TAF4: variants seen among roughly 807,000 people sequenced by gnomAD.
TAF4 encodes the protein transcription initiation factor TFIID subunit 4.
TAF4 carries 9 observed loss-of-function variants against 90.3 expected under a neutral mutation model. The ratio of observed to expected loss-of-function variants is 0.10; its 90% CI spans 0.06 to 0.17. The LOEUF is 0.17. Ranked by LOEUF, TAF4 falls within the 10% of genes least tolerant of loss-of-function variation. The pLI is 1.00. For missense variants in TAF4, 1,351 were observed against 1,370.7 expected, an observed-to-expected ratio of 0.99 and a Z score of 0.23; for synonymous variants, 818 against 638.9, an observed-to-expected ratio of 1.28 and a Z score of -4.23.
chr20:62,047,900 C>T (rs2056002702), intron 1 of TAF4, among the ~76,000 whole-genome samples: 1 of 152,216 alleles, frequency 6.6e-6, no homozygotes, highest in Admixed American at 6.5e-5. Flanking sequence ...CCCGGGATTC[C>T]TCGCCGAGAT....
intron 1 of TAF4, among the ~76,000 whole-genome samples, chr20:62,054,351 T>C (rs1363193100): frequency 2.0e-5 from 3 of 152,066 alleles, no homozygotes; most frequent in Non-Finnish European, 4.4e-5. Flanking sequence ...ACTTTCTGGC[T>C]CTAGAGATCT....
At chr20:62,024,594 C>T (rs1463153998) in intron 1 of TAF4, among the ~76,000 whole-genome samples, 4 of 152,110 alleles carry the variant, frequency 2.6e-5, no homozygotes, top group African/African-American at 4.8e-5. Flanking sequence ...CCAGGTTGGG[C>T]GTGGTGGCTC....
intron 1 of TAF4, among the ~76,000 whole-genome samples, chr20:62,056,293 T>A (rs1003361615): frequency 4.6e-5 from 7 of 152,112 alleles, no homozygotes; most frequent in African/African-American, 1.7e-4. Flanking sequence ...TTGGCGAGAA[T>A]AAATAGCCAA....
At position 62,065,640 on chromosome 20, in the gene TAF4, C is replaced by G. The variant is rs1441807732; in HGVS notation, c.171G>C (p.Ala57=). 9.5e-7 allele frequency: 1 copy of G among 1,052,870 alleles called. No homozygotes were observed. The highest frequency in any genetic ancestry group is 1.7e-5 in the African/African-American group (1 of 57,436). The allele number at this position is 1,052,870 out of a possible 1,614,324, so 65.2% of individuals were successfully genotyped here. Residue 57 remains alanine, a synonymous_variant, in exon 1 of 15, where the codon GCG becomes GCC. Transcript: ENST00000252996. ...TGCCGCTCACAACATGGTTCCCGAG[C>G]GCGCCGGCGGCCGCGGCCCGCACCT... The part of the protein sequence containing the change: ...TPEVRAAAAG[A]LGNHVVSGSP...
chr20:62,006,644 C>A lies in TAF4; in HGVS notation c.2089G>T (p.Val697Leu). 1 of 1,601,458 alleles carries A rather than the reference C, an allele frequency of 6.2e-7. No individual in the cohort carries two copies. The highest frequency in any genetic ancestry group is 8.5e-7 in the Non-Finnish European group (1 of 1,172,486). Residue 697 changes from valine (V) to leucine (L), a missense_variant, in exon 7 of 15, where the codon GTG (valine) becomes TTG (leucine). Physicochemically the swap from Val to Leu is conservative, Grantham distance 32. Transcript: ENST00000252996. The surrounding 1 kb of genome is among the most constrained non-coding windows in gnomAD (Gnocchi z 7.0). ...GTGCGCTGGACCGAGCTACTCAGCA[C>A]CACGGCCGTGAGCGCAGTGGTGGCC... ...SQATTALTAVVLSSSVQRTAG... is the reference protein window; with the variant it reads ...SQATTALTAVLLSSSVQRTAG...
intron 1 of TAF4, among the ~76,000 whole-genome samples, chr20:62,049,339 G>A (rs2056012978): frequency 6.6e-6 from 1 of 152,146 alleles, no homozygotes; most frequent in African/African-American, 2.4e-5. Context: ...GAGCATGGGA[G>A]GCGCACACAG....
At chr20:61,998,483 G>C (rs1410534730) in intron 12 of TAF4, among the ~76,000 whole-genome samples, 1 of 152,198 alleles carries the variant, frequency 6.6e-6, no homozygotes, top group African/African-American at 2.4e-5. Flanking sequence ...ATGGCAGGCA[G>C]AATGGGCCTC....
chr20:62,005,884 T>C (rs150175163), intron 7 of TAF4: 3 of 152,354 alleles, frequency 2.0e-5, no homozygotes, highest in Non-Finnish European at 4.4e-5. Flanking sequence ...CTGAAATTTT[T>C]TTAAAACTGC....
Position 62,064,673 on chromosome 20 carries a change from G to T in TAF4, c.1138C>A (p.Gln380Lys). ...GCGGCCGGGCTGGGCAGCGCCCCTT[G>T]CATAGTTGGCCCGATGACCATGCTG... ...AASMVIGPTMQGALPSPAAVP... is the reference protein window; with the variant it reads ...AASMVIGPTMKGALPSPAAVP... The change falls in exon 1 of 15, where the codon CAA (glutamine) becomes AAA (lysine). Residue 380 changes from glutamine (Q) to lysine (K), a missense_variant. By Grantham distance (53) the Gln-to-Lys change is moderately conservative. Coordinates refer to ENST00000252996, the MANE Select transcript of TAF4 (RefSeq NM_003185.4). 7.8e-7 allele frequency: 1 copy of T among 1,283,354 alleles called. No homozygotes were observed. 79.5% of individuals were successfully genotyped at this position (1,283,354 alleles called of 1,614,324 possible). A position where few individuals can be genotyped will look rare whatever the true frequency, so the allele number is the denominator to read the frequency against.
At chr20:62,009,938 C>A in intron 4 of TAF4, 108 bp downstream of exon 4, 1 of 1,534,608 alleles carries the variant, frequency 6.5e-7, no homozygotes, top group South Asian at 1.2e-5. Context: ...GTGAAGCAAG[C>A]AGTGAGCGGT....
At chr20:62,041,501 C>T (rs755241695) in intron 1 of TAF4, among the ~76,000 whole-genome samples, 2 of 152,018 alleles carry the variant, frequency 1.3e-5, no homozygotes, top group South Asian at 2.1e-4. Context: ...TGGTAGCATA[C>T]GCCTGCAGTC....
intron 12 of TAF4, 35 bp from the exon 13 acceptor site, chr20:61,998,227 T>C: frequency 6.3e-7 from 1 of 1,597,194 alleles, no homozygotes; most frequent in African/African-American, 1.3e-5. Context: ...AAAAGTAAGT[T>C]ATGAACTAAA....
intron 1 of TAF4, among the ~76,000 whole-genome samples, chr20:62,022,722 G>C (rs1600848398): frequency 6.6e-6 from 1 of 152,258 alleles, no homozygotes; most frequent in East Asian, 1.9e-4. Flanking sequence ...CCCACCTCTC[G>C]GGGTTTGGCA....
At chr20:62,057,624 CGG>C (rs2056072199) in intron 1 of TAF4, among the ~76,000 whole-genome samples, 4 of 147,704 alleles carry the variant, frequency 2.7e-5, no homozygotes, top group Non-Finnish European at 6.0e-5. Context: ...TCAGGAAGGA[CGG>C]ACACAGGCCT....
intron 13 of TAF4, 74 bp from the exon 14 acceptor site, chr20:61,997,743 A>G (rs2055672295): frequency 6.8e-7 from 1 of 1,480,874 alleles, no homozygotes; most frequent in East Asian, 2.4e-5. Context: ...TAATACATAG[A>G]TATGAAAGGG....
At chr20:62,032,136 T>G (rs1452374699) in intron 1 of TAF4, among the ~76,000 whole-genome samples, 1 of 152,162 alleles carries the variant, frequency 6.6e-6, no homozygotes, top group Non-Finnish European at 1.5e-5. Context: ...TCTGCTAACT[T>G]AAAAACAGTT....
At chr20:62,035,805 G>C (rs1266617324) in intron 1 of TAF4, among the ~76,000 whole-genome samples, 3 of 152,050 alleles carry the variant, frequency 2.0e-5, no homozygotes, top group Non-Finnish European at 4.4e-5. Flanking sequence ...GCCATATACA[G>C]ATGACCTACA....
At chr20:61,988,051 T>C (rs932100382) in intron 14 of TAF4, among the ~76,000 whole-genome samples, 6 of 152,134 alleles carry the variant, frequency 3.9e-5, no homozygotes, top group African/African-American at 1.2e-4. Flanking sequence ...GACCAGGGAC[T>C]GACAGGAGGG....
chr20:61,991,661 C>T (rs960653055), intron 14 of TAF4, among the ~76,000 whole-genome samples: 6 of 151,892 alleles, frequency 4.0e-5, no homozygotes, highest in African/African-American at 1.5e-4. Context: ...GTAAAAAGTG[C>T]TCCAGCAGGC....
Sources: allele counts gnomAD v4.1 joint callset (sites outside exome capture counted in the v4.1 genomes callset), GRCh38; gene constraint gnomAD v4.1.1; non-coding constraint Gnocchi (gnomAD v3.1); transcripts MANE v1.5; gene names NCBI Gene and HGNC (gene_info 2026-07-23, HGNC 2026-07-21).